The following USP32 variants were observed in gnomAD, a reference collection of about 807,000 sequenced individuals.
The protein encoded by USP32 is ubiquitin carboxyl-terminal hydrolase 32.
A neutral mutation model predicts 204.8 loss-of-function variants in USP32; 59 were observed. That is an observed-to-expected ratio of 0.29 (90% CI 0.23 to 0.36). USP32 has a LOEUF of 0.36. Among genes scored for constraint, USP32 ranks in the 10% least tolerant of loss-of-function variants. The pLI, the probability that USP32 is intolerant of heterozygous loss-of-function variation, is 1.00. For synonymous variants in USP32, 517 were observed against 678.4 expected (o/e 0.76, Z 3.70); for missense variants, 1,160 against 1,946.4 (o/e 0.60, Z 7.60).
At chr17:60,325,245 C>T (rs1304113531) in intron 2 of USP32, among the ~76,000 whole-genome samples, 1 of 151,962 alleles carries the variant, frequency 6.6e-6, no homozygotes, top group Non-Finnish European at 1.5e-5. Flanking sequence ...GAAACCCTGT[C>T]TCTACAAAAA....
chr17:60,303,282 T>C (rs1363000337), intron 2 of USP32, among the ~76,000 whole-genome samples: 1 of 152,010 alleles, frequency 6.6e-6, no homozygotes, highest in African/African-American at 2.4e-5. Context: ...CAAAAACACC[T>C]TTATCCCTGG....
chr17:60,262,478 C>A lies in USP32; in HGVS notation c.990+2934G>T, dbSNP rs138329623. ...AAGTGCTGGGATTACAGGCGTGAGC[C>A]ACCATGCCCAACCTATATGACTTAT... is the stretch of plus-strand genomic sequence containing the variant. On this transcript the variant is annotated intron_variant, in intron 9 of 33. Transcript: ENST00000300896. Among the ~76,000 whole-genome samples, 231 of 152,312 alleles carry A rather than the reference C, an allele frequency of 1.5e-3. 1 individual carries two copies. The highest frequency in any genetic ancestry group is 5.4e-3 in the African/African-American group (224 of 41,572).
intron 4 of USP32, among the ~76,000 whole-genome samples, chr17:60,289,844 T>C (rs974753550): frequency 3.9e-5 from 6 of 152,198 alleles, no homozygotes; most frequent in Non-Finnish European, 5.9e-5. Context: ...CTAATAGACA[T>C]GCTAAAGAAT....
intron 10 of USP32, among the ~76,000 whole-genome samples, chr17:60,253,822 A>G (rs1037127891): frequency 6.6e-6 from 1 of 152,118 alleles, no homozygotes; most frequent in Non-Finnish European, 1.5e-5. Context: ...CATGTTACCA[A>G]GCAATTCTGT....
At chr17:60,263,997 G>A (rs542665466) in intron 9 of USP32, among the ~76,000 whole-genome samples, 16 of 152,190 alleles carry the variant, frequency 1.1e-4, no homozygotes, top group South Asian at 6.2e-4. Flanking sequence ...TTATGCAAAT[G>A]TGTCTCATAC....
At chr17:60,306,789 A>C (rs1424688496) in intron 2 of USP32, among the ~76,000 whole-genome samples, 1 of 152,224 alleles carries the variant, frequency 6.6e-6, no homozygotes, top group Non-Finnish European at 1.5e-5. Flanking sequence ...AAAAACCTAA[A>C]GATTCCACCA....
intron 7 of USP32, among the ~76,000 whole-genome samples, chr17:60,267,283 T>C (rs1598168374): frequency 6.6e-6 from 1 of 151,614 alleles, no homozygotes; most frequent in South Asian, 2.1e-4. Flanking sequence ...GGCGGGCGCC[T>C]GTAATCTCAG....
At chr17:60,417,805 T>G (rs1007817659) in intron 1 of USP32, among the ~76,000 whole-genome samples, 4 of 149,182 alleles carry the variant, frequency 2.7e-5, no homozygotes, top group African/African-American at 5.0e-5. Flanking sequence ...TTATTTTTAT[T>G]TTGAGACAGA....
chr17:60,233,227 A>G (rs967140556), intron 12 of USP32, among the ~76,000 whole-genome samples: 4 of 152,208 alleles, frequency 2.6e-5, no homozygotes, highest in African/African-American at 7.2e-5. Flanking sequence ...GCACTCTGAG[A>G]GCCCAAGGCA....
intron 2 of USP32, among the ~76,000 whole-genome samples, chr17:60,323,178 G>A (rs768542527): frequency 5.9e-5 from 9 of 151,974 alleles, no homozygotes; most frequent in Non-Finnish European, 1.3e-4. Context: ...ATATATCCAC[G>A]CAAAGGTATA....
At chr17:60,265,859 G>T in intron 8 of USP32, 117 bp downstream of exon 8, 1 of 767,598 alleles carries the variant, frequency 1.3e-6, no homozygotes, top group Non-Finnish European at 2.1e-6. Flanking sequence ...ATTTTGAGTA[G>T]CATAATGTAG....
intron 1 of USP32, among the ~76,000 whole-genome samples, chr17:60,364,827 G>C (rs1434338716): frequency 6.6e-6 from 1 of 152,114 alleles, no homozygotes; most frequent in Non-Finnish European, 1.5e-5. Context: ...ACTAATGTTT[G>C]TGAAGAAACA....
intron 11 of USP32, among the ~76,000 whole-genome samples, chr17:60,243,176 T>G (rs1020468394): frequency 6.6e-6 from 1 of 152,212 alleles, no homozygotes; most frequent in East Asian, 1.9e-4. Context: ...ATCTAGTACA[T>G]GACAATTCAA....
chr17:60,278,378 A>G (rs2086889543), intron 5 of USP32, among the ~76,000 whole-genome samples: 1 of 152,090 alleles, frequency 6.6e-6, no homozygotes, highest in Admixed American at 6.6e-5. Flanking sequence ...ACAATGAAAA[A>G]ATAGAGAGTT....
chr17:60,269,751 C>T (rs1376433910), intron 6 of USP32, among the ~76,000 whole-genome samples, 194 bp from the exon 7 acceptor site: 3 of 151,988 alleles, frequency 2.0e-5, no homozygotes, highest in Admixed American at 6.6e-5. Flanking sequence ...GTGATCATGG[C>T]AGAAAATACA....
intron 1 of USP32, among the ~76,000 whole-genome samples, chr17:60,373,882 T>C (rs2089491442): frequency 6.6e-6 from 1 of 152,224 alleles, no homozygotes; most frequent in African/African-American, 2.4e-5. Flanking sequence ...AAAAAGTTTT[T>C]ACTATTCATG....
chr17:60,264,721 A>G (rs113926131), intron 9 of USP32, among the ~76,000 whole-genome samples: 3,193 of 151,908 alleles, frequency 0.021, 135 homozygotes, highest in African/African-American at 0.073. Flanking sequence ...ATCAGCCGGC[A>G]TGGTGGCACA....
chr17:60,202,945 C>CT (rs1231757043), intron 26 of USP32, among the ~76,000 whole-genome samples: 2 of 149,994 alleles, frequency 1.3e-5, no homozygotes, highest in East Asian at 3.9e-4. Context: ...AAGGAGAAGG[C>CT]TATATGAAGA....
chr17:60,291,537 A>ATGTGTGTGTGTGTGTGTGTGTG (rs58874239), intron 4 of USP32, among the ~76,000 whole-genome samples: 7 of 145,234 alleles, frequency 4.8e-5, no homozygotes, highest in Admixed American at 1.4e-4. Context: ...CTGTGTGTGT[A>ATGTGTGTGTGTGTGTGTGTGTG]TGTGTGTGTG....
Sources: allele counts gnomAD v4.1 joint callset (sites outside exome capture counted in the v4.1 genomes callset), GRCh38; gene constraint gnomAD v4.1.1; transcripts MANE v1.5; gene names NCBI Gene and HGNC (gene_info 2026-07-23, HGNC 2026-07-21).